ZNF683: variants seen among roughly 807,000 people sequenced by gnomAD.
ZNF683 encodes tissue-resident T-cell transcription regulator protein ZNF683.
A neutral mutation model predicts 31.4 loss-of-function variants in ZNF683; 20 were observed. That is an observed-to-expected ratio of 0.64 (90% confidence interval 0.45 to 0.93). The LOEUF (loss-of-function observed/expected upper bound fraction) is 0.93. Among genes scored for constraint, ZNF683 ranks in the 40% least tolerant of loss-of-function variants. ZNF683 has a pLI of 0.00. For missense variants in ZNF683, 621 were observed against 637.2 expected, an observed-to-expected ratio of 0.97 and a Z score of 0.27; for synonymous variants, 264 against 267.6, an observed-to-expected ratio of 0.99 and a Z score of 0.13.
chr1:26,368,325 T>C, intron 2 of ZNF683, 133 bp downstream of exon 2: 1 of 1,100,534 alleles, frequency 9.1e-7, no homozygotes, highest in Non-Finnish European at 1.2e-6. Context: ...ATCCCTATGA[T>C]GTGCCTGGGA....
chr1:26,365,226 T>C lies in ZNF683; in HGVS notation c.320A>G (p.Lys107Arg), dbSNP rs1326054664. The change falls in exon 4 of 6, where the codon AAG becomes AGG. Residue 107 changes from lysine (K) to arginine (R), a missense_variant and splice_region_variant. Transcript: ENST00000349618. ...GGCCTGCAGCCCTGGTGGCTCGTGC[T>C]CTAAGCAGGAAAAGGAAGGCGGTCA... ...QGLQEDALSM[K>R]HEPPGLQASS... 1.9e-6 allele frequency: 3 copies of C among 1,590,216 alleles called. No homozygotes were observed. Among genetic ancestry groups the C allele is most frequent in the East Asian group, 4.5e-5 (2 of 44,158 alleles).
upstream of ZNF683, chr1:26,372,823 A>T (rs2074700372): frequency 2.5e-6 from 3 of 1,180,504 alleles, 1 homozygote; most frequent in South Asian, 4.8e-5. Context: ...GTGACATCAC[A>T]GGGCATGGAG....
intron 1 of ZNF683, among the ~76,000 whole-genome samples, chr1:26,372,030 C>A (rs111252310): frequency 2.6e-5 from 4 of 152,214 alleles, no homozygotes; most frequent in African/African-American, 9.7e-5. Context: ...TGTCATTATT[C>A]TTGTGAGCAT....
chr1:26,364,255 G>C (rs993178971), intron 4 of ZNF683, among the ~76,000 whole-genome samples: 1 of 152,198 alleles, frequency 6.6e-6, no homozygotes, highest in East Asian at 1.9e-4. Flanking sequence ...CGTTAAATCG[G>C]GGTAATCTTA....
At chr1:26,374,174 C>T (rs935372328), upstream of ZNF683, 10 of 1,213,002 alleles carry the variant, frequency 8.2e-6, no homozygotes, top group Non-Finnish European at 1.1e-5. Flanking sequence ...CCTCTCAGAC[C>T]CCCAGGCCAC....
chr1:26,372,178 T>C (rs1203839711), intron 1 of ZNF683, among the ~76,000 whole-genome samples: 2 of 152,174 alleles, frequency 1.3e-5, no homozygotes, highest in Admixed American at 1.3e-4. Flanking sequence ...CAGGGACATC[T>C]CAGGCTGTGC....
chr1:26,362,190 C>T, intron 5 of ZNF683, 168 bp from the exon 6 acceptor site: 2 of 1,575,114 alleles, frequency 1.3e-6, no homozygotes, highest in Admixed American at 1.9e-5. Context: ...CACATTAGAA[C>T]CAGGCCAACT....
intron 3 of ZNF683, among the ~76,000 whole-genome samples, chr1:26,366,814 C>T (rs894155353): frequency 6.6e-6 from 1 of 152,130 alleles, no homozygotes; most frequent in Admixed American, 6.5e-5. Context: ...TGCCACCACC[C>T]CCCAGCTAAT....
Position 26,372,699 on chromosome 1 carries a change from G to A in ZNF683, c.-45C>T, listed in dbSNP as rs2074697772. 8 of 1,275,538 alleles carry A rather than the reference G, an allele frequency of 6.3e-6. No homozygotes were observed. The highest frequency in any genetic ancestry group is 8.2e-6 in the Non-Finnish European group (8 of 977,218). 79.0% of individuals were successfully genotyped at this position (1,275,538 alleles called of 1,614,324 possible). On this transcript the variant is annotated 5_prime_UTR_variant, in exon 1 of 6. Coordinates refer to ENST00000349618, the MANE Select transcript of ZNF683 (RefSeq NM_001114759.3). ...TGATCATGGGCTTTCCTTGGCTTGG[G>A]TCTCTGGTCTGGGTCAAGGCATCTG...
intron 3 of ZNF683, among the ~76,000 whole-genome samples, chr1:26,365,467 T>A (rs1351679242): frequency 6.6e-6 from 1 of 152,224 alleles, no homozygotes; most frequent in Non-Finnish European, 1.5e-5. Flanking sequence ...AGGTCTGAAC[T>A]GGAGACATAA....
In ZNF683 at chr1:26,364,575, C is replaced by A. The variant is rs142754209; in HGVS notation, c.971G>T (p.Cys324Phe). 3.1e-6 allele frequency: 5 copies of A among 1,613,862 alleles called. No homozygotes were observed. The Admixed American group carries it at 8.3e-5, about 27-fold the overall frequency. ...CCCAAAGCTCTTGCCACATATGTTG[C>A]ACTCGTACAGGATTTTGCCATTCTT... ...KKKNGKILYE[C>F]NICGKSFGQL... The change falls in exon 4 of 6, where the codon TGC becomes TTC. Residue 324 changes from cysteine (C) to phenylalanine (F), a missense_variant. By Grantham distance (205) the Cys-to-Phe change is radical. Coordinates refer to ENST00000349618, the MANE Select transcript of ZNF683 (RefSeq NM_001114759.3).
chr1:26,367,605 C>T lies in ZNF683; in HGVS notation c.307G>A (p.Ala103Thr), dbSNP rs1036693699. Residue 103 changes from alanine to threonine, a missense_variant, in exon 3 of 6, where the codon GCC becomes ACC. Physicochemically the swap from Ala to Thr is moderately conservative, Grantham distance 58. Transcript: ENST00000349618. ...GCCCTGGGCTTACTCATGCTCAAGGCGTCCTCTTGGAGGCCCTGCAGGTCT... is the reference window on the plus strand; with the variant it reads ...GCCCTGGGCTTACTCATGCTCAAGGTGTCCTCTTGGAGGCCCTGCAGGTCT... ...GTDLQGLQED[A>T]LSMKHEPPGL... is the part of the protein sequence containing the mutation. The T allele has an allele frequency of 7.5e-6, 12 of 1,604,446 alleles. No homozygotes were observed. In the East Asian group the frequency reaches 8.9e-5, roughly 12 times the overall value.
At chr1:26,363,992 C>T (rs998143046) in intron 4 of ZNF683, among the ~76,000 whole-genome samples, 1 of 152,228 alleles carries the variant, frequency 6.6e-6, no homozygotes, top group Admixed American at 6.5e-5. Flanking sequence ...AGATGCGCTC[C>T]CTGGGCGCCC....
chr1:26,368,502 A>G lies in ZNF683; in HGVS notation c.70T>C (p.Ser24Pro). 6.2e-7 allele frequency: 1 copy of G among 1,603,078 alleles called. No homozygotes were observed. Among genetic ancestry groups the G allele is most frequent in the Non-Finnish European group, 8.5e-7 (1 of 1,174,866 alleles). ...TGGAAGTCCAGGCTGGGGGACAGGGAGCCCCCTGTACCTCCCAGGGCCATG... is the reference window on the plus strand; with the variant it reads ...TGGAAGTCCAGGCTGGGGGACAGGGGGCCCCCTGTACCTCCCAGGGCCATG... ...RPMALGGTGG[S>P]LSPSLDFQLF... Residue 24 changes from serine (S) to proline (P), a missense_variant, in exon 2 of 6, where the codon TCC becomes CCC. Transcript: ENST00000349618.
At chr1:26,370,153 C>T (rs1233246445) in intron 1 of ZNF683, among the ~76,000 whole-genome samples, 2 of 152,154 alleles carry the variant, frequency 1.3e-5, no homozygotes, top group African/African-American at 4.8e-5. Flanking sequence ...TACAAAGAAG[C>T]CACCCCCTTC....
In ZNF683 at chr1:26,363,167, C is replaced by A. The variant is rs771678167; in HGVS notation, c.1015-13G>T. 31 of 1,598,630 alleles carry A rather than the reference C, an allele frequency of 1.9e-5. No homozygotes were observed. The highest frequency in any genetic ancestry group is 2.6e-5 in the Non-Finnish European group (30 of 1,168,798). On this transcript the variant is annotated splice_polypyrimidine_tract_variant and intron_variant, in intron 4 of 5. Coordinates refer to ENST00000349618, the MANE Select transcript of ZNF683 (RefSeq NM_001114759.3). ...CACGCAGGTGGACCTGAGTCAGATG[C>A]GGGATAAATGCTGCCAACTGCCCAG...
At chr1:26,372,256 C>T (rs112338151) in intron 1 of ZNF683, among the ~76,000 whole-genome samples, 2,886 of 152,324 alleles carry the variant, frequency 0.019, 104 homozygotes, top group African/African-American at 0.066. Context: ...GACTCATCCT[C>T]CACATAACTG....
chr1:26,367,400 G>A (rs1450689165), intron 3 of ZNF683, among the ~76,000 whole-genome samples, 193 bp downstream of exon 3: 2 of 152,096 alleles, frequency 1.3e-5, no homozygotes, highest in African/African-American at 4.8e-5. Context: ...CTCTGGCTTA[G>A]GTATCACCAC....
intron 2 of ZNF683, 39 bp from the exon 3 acceptor site, chr1:26,367,836 G>A: frequency 6.8e-7 from 1 of 1,467,646 alleles, no homozygotes; most frequent in Non-Finnish European, 9.1e-7. Flanking sequence ...GCTGGTGACT[G>A]GGACTCCATG....
Sources: gnomAD v4.1 joint callset for allele counts (sites outside exome capture counted in the v4.1 genomes callset) on GRCh38, gnomAD v4.1.1 for gene constraint, MANE v1.5 for transcripts, NCBI Gene and HGNC (gene_info 2026-07-23, HGNC 2026-07-21) for gene names.